The following KIAA0319L variants were observed in gnomAD, a reference collection of about 807,000 sequenced individuals.
KIAA0319L encodes the protein KIAA0319 like.
KIAA0319L carries 55 observed loss-of-function variants against 120.1 expected under a neutral mutation model. The observed-to-expected ratio is 0.46, with a 90% CI of 0.37 to 0.57. KIAA0319L has a LOEUF of 0.57. Among genes scored for constraint, KIAA0319L ranks in the 20% least tolerant of loss-of-function variants. The pLI, the probability that KIAA0319L is intolerant of heterozygous loss-of-function variation, is 0.00. For missense variants in KIAA0319L, 1,049 were observed against 1,255.3 expected, an observed-to-expected ratio of 0.84 and a Z score of 2.48; for synonymous variants, 398 against 471.9, an observed-to-expected ratio of 0.84 and a Z score of 2.03.
chr1:35,523,465 A>G (rs527881997), intron 2 of KIAA0319L, among the ~76,000 whole-genome samples: 9 of 152,356 alleles, frequency 5.9e-5, no homozygotes, highest in African/African-American at 2.2e-4. Flanking sequence ...ATGAATGAAC[A>G]AAAGAAATGT....
chr1:35,537,293 C>T (rs60173808), intron 2 of KIAA0319L, among the ~76,000 whole-genome samples: 10,197 of 151,854 alleles, frequency 0.067, 421 homozygotes, highest in African/African-American at 0.1. Context: ...TTGCATTCAG[C>T]ACAATCATAC....
At chr1:35,460,709 A>C (rs1642831037) in intron 8 of KIAA0319L, among the ~76,000 whole-genome samples, 1 of 152,254 alleles carries the variant, frequency 6.6e-6, no homozygotes, top group South Asian at 2.1e-4. Context: ...AATAATTCTT[A>C]AACACATGAA....
intron 9 of KIAA0319L, among the ~76,000 whole-genome samples, chr1:35,459,543 G>C (rs914490075): frequency 2.3e-4 from 35 of 151,530 alleles, no homozygotes; most frequent in African/African-American, 8.0e-4. Context: ...CTTGCAGTGA[G>C]CCGAAATCAC....
At chr1:35,557,435 C>T (rs1648287315), upstream of KIAA0319L, 3 of 333,836 alleles carry the variant, frequency 9.0e-6, no homozygotes, top group Admixed American at 4.3e-5. Flanking sequence ...GGGACCGACC[C>T]GGAAACACAC....
intron 1 of KIAA0319L, among the ~76,000 whole-genome samples, chr1:35,555,457 CT>C (rs1348573391): frequency 2.0e-5 from 3 of 152,220 alleles, no homozygotes; most frequent in Non-Finnish European, 4.4e-5. Flanking sequence ...ATACACACAG[CT>C]GCAAAACTAA....
chr1:35,543,917 A>G, intron 2 of KIAA0319L, among the ~76,000 whole-genome samples: 1 of 152,248 alleles, frequency 6.6e-6, no homozygotes, highest in East Asian at 1.9e-4. Flanking sequence ...ATAGTAAGTG[A>G]TAAGGATGAC....
At chr1:35,487,694 C>T (rs1203136) in intron 3 of KIAA0319L, among the ~76,000 whole-genome samples, 35,119 of 152,196 alleles carry the variant, frequency 0.23, 8,642 homozygotes, top group African/African-American at 0.58. Flanking sequence ...CGTCCACTGA[C>T]ACCTCAAGTC....
rs1570706842 is a variant in KIAA0319L at position 35,467,489 on chromosome 1, A to T, written c.1114-794T>A. Reference sequence around the variant, plus strand: ...TGTACAGCTCATTCGTTTAACAAACATTTACTGAAACCAAATCATGTACCA... The same window carrying T: ...TGTACAGCTCATTCGTTTAACAAACTTTTACTGAAACCAAATCATGTACCA... On this transcript the variant is annotated intron_variant, in intron 6 of 20. Coordinates refer to ENST00000325722, the MANE Select transcript of KIAA0319L (RefSeq NM_024874.5). Among the ~76,000 whole-genome samples the T allele has an allele frequency of 2.0e-5, 3 of 152,308 alleles. No individual in the cohort carries two copies. In the East Asian group the frequency reaches 5.8e-4, roughly 29 times the overall value.
intron 2 of KIAA0319L, among the ~76,000 whole-genome samples, chr1:35,526,368 C>T (rs1047327965): frequency 6.8e-5 from 9 of 132,060 alleles, no homozygotes; most frequent in South Asian, 2.4e-4. Context: ...TATATATATA[C>T]ATACATATAT....
intron 5 of KIAA0319L, among the ~76,000 whole-genome samples, chr1:35,473,178 A>C (rs1203870451): frequency 9.1e-5 from 12 of 131,866 alleles, no homozygotes; most frequent in Middle Eastern, 5.0e-3. Context: ...TGACTGCAAC[A>C]TCCGCCTCCT....
chr1:35,438,224 T>A, intron 20 of KIAA0319L, among the ~76,000 whole-genome samples: 1 of 152,194 alleles, frequency 6.6e-6, no homozygotes, highest in South Asian at 2.1e-4. Flanking sequence ...CTCAACTCCA[T>A]TCATAACTGT....
upstream of KIAA0319L, chr1:35,557,575 C>G (rs1648313422): frequency 2.4e-6 from 1 of 418,660 alleles, no homozygotes; most frequent in Admixed American, 2.7e-5. Context: ...GGCCCCCAGC[C>G]TCTCGCCGCC....
intron 15 of KIAA0319L, among the ~76,000 whole-genome samples, chr1:35,448,860 C>T (rs1263406804): frequency 1.3e-5 from 2 of 152,172 alleles, no homozygotes; most frequent in African/African-American, 4.8e-5. Flanking sequence ...ATCCAGTCAG[C>T]CAAGACACAA....
chr1:35,487,186 T>C (rs1644421626), intron 3 of KIAA0319L, among the ~76,000 whole-genome samples: 1 of 152,122 alleles, frequency 6.6e-6, no homozygotes, highest in African/African-American at 2.4e-5. Flanking sequence ...ACAAATAACC[T>C]CCCTGGACTG....
Position 35,456,222 on chromosome 1 carries a change from C to T in KIAA0319L, c.1447G>A (p.Asp483Asn), listed in dbSNP as rs201597603. 6.3e-7 allele frequency: 1 copy of T among 1,597,600 alleles called. No individual in the cohort carries two copies. The highest frequency in any genetic ancestry group is 2.2e-5 in the East Asian group (1 of 44,740). The change falls in exon 10 of 21, where the codon GAT becomes AAT. Residue 483 changes from aspartate to asparagine, a missense_variant. Transcript: ENST00000325722. ...GCAGTAGTAGAGTTGGTAGCTCCAT[C>T]AGAGTCTACTACAGTCAAGCTATCA... ...YTFSLTVVDSDGATNSTTANL... is the reference protein window; with the variant it reads ...YTFSLTVVDSNGATNSTTANL...
chr1:35,460,287 A>C lies in KIAA0319L; in HGVS notation c.1427+18T>G. 2 of 1,605,814 alleles carry C rather than the reference A, an allele frequency of 1.2e-6. No individual in the cohort carries two copies. The highest frequency in any genetic ancestry group is 1.7e-6 in the Non-Finnish European group (2 of 1,177,130). On this transcript the variant is annotated intron_variant, in intron 9 of 20. Coordinates refer to ENST00000325722, the MANE Select transcript of KIAA0319L (RefSeq NM_024874.5). ...AAAAAATGGCCTATGGTAAACTTGAAGCTGAATCCTAATTTACCTGAAAGT... is the reference window on the plus strand; with the variant it reads ...AAAAAATGGCCTATGGTAAACTTGACGCTGAATCCTAATTTACCTGAAAGT...
At chr1:35,544,429 C>G (rs1250272002) in intron 2 of KIAA0319L, among the ~76,000 whole-genome samples, 1 of 149,920 alleles carries the variant, frequency 6.7e-6, no homozygotes, top group Non-Finnish European at 1.5e-5. Context: ...GGATTCTTTT[C>G]TAATCTCATC....
rs1558311360 is a variant in KIAA0319L, at chr1:35,453,720, A to C, written c.1781-31T>G. On this transcript the variant is annotated intron_variant, in intron 11 of 20. Transcript: ENST00000325722. The surrounding 1 kb of genome is among the most constrained non-coding windows in gnomAD (Gnocchi z 4.1). ...AGACAAAGAGTTAGAGGTCAAAAGCAGCCAGTCCAGGTGGGAAAGGAGAGG... is the reference window on the plus strand; with the variant it reads ...AGACAAAGAGTTAGAGGTCAAAAGCCGCCAGTCCAGGTGGGAAAGGAGAGG... 1.2e-6 allele frequency: 2 copies of C among 1,603,958 alleles called. No homozygotes were observed. The highest frequency in any genetic ancestry group is 2.7e-5 in the African/African-American group (2 of 74,528).
intron 2 of KIAA0319L, chr1:35,509,823 T>G (rs949629141): frequency 6.5e-6 from 1 of 152,844 alleles, no homozygotes; most frequent in East Asian, 1.9e-4. Flanking sequence ...CATGTGATGC[T>G]GGAAAACTAT....
Sources: allele counts gnomAD v4.1 joint callset (sites outside exome capture counted in the v4.1 genomes callset), GRCh38; gene constraint gnomAD v4.1.1; non-coding constraint Gnocchi (gnomAD v3.1); transcripts MANE v1.5; gene names NCBI Gene and HGNC (gene_info 2026-07-23, HGNC 2026-07-21).